Variants in CACNG3 observed in about 807,000 individuals in gnomAD.
CACNG3 encodes calcium voltage-gated channel auxiliary subunit gamma 3, also known as voltage-dependent calcium channel gamma-3 subunit.
Under a neutral mutation model 28.5 loss-of-function variants are expected in CACNG3, and 3 were observed. The ratio of observed to expected loss-of-function variants is 0.11; its 90% CI spans 0.05 to 0.27. CACNG3 has a LOEUF of 0.27. Among genes scored for constraint, CACNG3 ranks in the 10% least tolerant of loss-of-function variants. The pLI is 1.00. For synonymous variants in CACNG3, 174 were observed against 162.2 expected (o/e 1.07, Z -0.55); for missense variants, 236 against 414.4 (o/e 0.57, Z 3.74).
intron 1 of CACNG3, among the ~76,000 whole-genome samples, chr16:24,328,800 C>T (rs1202158447): frequency 1.3e-5 from 2 of 152,166 alleles, no homozygotes; most frequent in Non-Finnish European, 2.9e-5. Context: ...CACAGAGTCA[C>T]ATCCACAGGC....
chr16:24,320,833 A>G (rs1483808602), intron 1 of CACNG3, among the ~76,000 whole-genome samples: 1 of 152,138 alleles, frequency 6.6e-6, no homozygotes, highest in Non-Finnish European at 1.5e-5. Context: ...AGACACAAGC[A>G]ATCCTCCTGC....
intron 1 of CACNG3, among the ~76,000 whole-genome samples, chr16:24,287,482 C>T (rs1181556863): frequency 1.5e-5 from 2 of 137,304 alleles, no homozygotes; most frequent in Non-Finnish European, 3.0e-5. Flanking sequence ...CAAGCCACTG[C>T]ACTCCAGCTG....
chr16:24,294,287 C>T (rs192212359), intron 1 of CACNG3, among the ~76,000 whole-genome samples: 26 of 152,278 alleles, frequency 1.7e-4, no homozygotes, highest in Middle Eastern at 6.8e-3. Context: ...GAGAAATCCC[C>T]GAATCAGCCA....
At chr16:24,316,519 C>G (rs1474920904) in intron 1 of CACNG3, among the ~76,000 whole-genome samples, 3 of 152,190 alleles carry the variant, frequency 2.0e-5, no homozygotes, top group Non-Finnish European at 4.4e-5. Flanking sequence ...TTTCTGTGTC[C>G]CCCACAGAGC....
intron 1 of CACNG3, among the ~76,000 whole-genome samples, chr16:24,317,558 GAAA>G (rs1899370664): frequency 5.9e-5 from 1 of 16,852 alleles, no homozygotes; most frequent in African/African-American, 3.0e-4. Flanking sequence ...AAAAGAAAAA[GAAA>G]GAAAGAAAGA....
chr16:24,298,995 G>A (rs1195296611), intron 1 of CACNG3, among the ~76,000 whole-genome samples: 1 of 152,142 alleles, frequency 6.6e-6, no homozygotes, highest in East Asian at 1.9e-4. Context: ...CGTTAGCCTT[G>A]ATCGCCTGTC....
intron 1 of CACNG3, among the ~76,000 whole-genome samples, chr16:24,329,906 T>G (rs1899609371): frequency 6.6e-6 from 1 of 152,096 alleles, no homozygotes. Flanking sequence ...CATGATGGCA[T>G]GCACCTGTAA....
chr16:24,285,071 C>T (rs970731900), intron 1 of CACNG3, among the ~76,000 whole-genome samples: 1 of 151,468 alleles, frequency 6.6e-6, no homozygotes, highest in Non-Finnish European at 1.5e-5. Context: ...GTTCACTATG[C>T]TCAATGAAAA....
intron 1 of CACNG3, among the ~76,000 whole-genome samples, chr16:24,276,211 C>A (rs922624196): frequency 1.3e-5 from 2 of 152,132 alleles, no homozygotes; most frequent in Non-Finnish European, 2.9e-5. Context: ...AAAAACAATT[C>A]TTCTCACTAT....
intron 1 of CACNG3, among the ~76,000 whole-genome samples, chr16:24,274,674 G>A (rs1898731835): frequency 6.6e-6 from 1 of 152,152 alleles, no homozygotes; most frequent in Non-Finnish European, 1.5e-5. Flanking sequence ...GGTTGATGAA[G>A]GTAGTCAAAA....
chr16:24,360,130 G>T (rs1900086701), intron 3 of CACNG3, among the ~76,000 whole-genome samples: 1 of 152,146 alleles, frequency 6.6e-6, no homozygotes, highest in Non-Finnish European at 1.5e-5. Flanking sequence ...CCTCCATTTA[G>T]CACCACCCTA....
At chr16:24,323,591 G>A (rs1899495427) in intron 1 of CACNG3, among the ~76,000 whole-genome samples, 1 of 152,192 alleles carries the variant, frequency 6.6e-6, no homozygotes, top group Non-Finnish European at 1.5e-5. Flanking sequence ...ACTTCATGTT[G>A]ATATAAAGCA....
intron 1 of CACNG3, among the ~76,000 whole-genome samples, chr16:24,338,124 C>T (rs187401462): frequency 2.2e-4 from 33 of 152,134 alleles, no homozygotes; most frequent in African/African-American, 5.3e-4. Context: ...TCAAACTCAC[C>T]AAGTTCACTC....
chr16:24,325,501 G>T (rs1175389938), intron 1 of CACNG3, among the ~76,000 whole-genome samples: 1 of 152,192 alleles, frequency 6.6e-6, no homozygotes, highest in African/African-American at 2.4e-5. Context: ...CCCAGTGCTG[G>T]CGTACATCAG....
chr16:24,317,713 A>AAAGAAAG (rs200316829), intron 1 of CACNG3, among the ~76,000 whole-genome samples: 35 of 61,648 alleles, frequency 5.7e-4, no homozygotes, highest in East Asian at 9.8e-4. Flanking sequence ...AGAAAGAAAG[A>AAAGAAAG]AAAGAAAGAA....
intron 1 of CACNG3, among the ~76,000 whole-genome samples, chr16:24,332,780 C>CA (rs1214878511): frequency 6.6e-6 from 1 of 152,126 alleles, no homozygotes; most frequent in African/African-American, 2.4e-5. Context: ...CCTACACAGG[C>CA]ACCCCCTCCC....
chr16:24,303,390 G>A, intron 1 of CACNG3, among the ~76,000 whole-genome samples: 1 of 151,670 alleles, frequency 6.6e-6, no homozygotes, highest in Non-Finnish European at 1.5e-5. Flanking sequence ...GGGTCTCACT[G>A]TGTTGCCTAG....
chr16:24,352,524 G>A (rs866951006), intron 2 of CACNG3, among the ~76,000 whole-genome samples: 2 of 85,134 alleles, frequency 2.3e-5, no homozygotes. Context: ...GGTTTTTTTT[G>A]TTGTTGTTGT....
chr16:24,258,094 C>G (rs144025277), intron 1 of CACNG3, among the ~76,000 whole-genome samples: 2 of 152,184 alleles, frequency 1.3e-5, no homozygotes, highest in African/African-American at 4.8e-5. Context: ...CTGTGTGGTC[C>G]CCTCCCCTGC....
Sources: allele counts gnomAD v4.1 joint callset (sites outside exome capture counted in the v4.1 genomes callset), GRCh38; gene constraint gnomAD v4.1.1; transcripts MANE v1.5; gene names NCBI Gene and HGNC (gene_info 2026-07-23, HGNC 2026-07-21).